ATOH8: variants seen among roughly 807,000 people sequenced by gnomAD.
The protein encoded by ATOH8 is atonal bHLH transcription factor 8, also known as transcription factor ATOH8.
In ATOH8, 9 loss-of-function variants were observed where a neutral mutation model predicts 21.2. The observed-to-expected ratio is 0.42, with a 90% CI of 0.26 to 0.74. The LOEUF (loss-of-function observed/expected upper bound fraction) is 0.74. ATOH8 is among the 30% of genes least tolerant of loss of function. ATOH8 has a pLI of 0.24. For missense variants in ATOH8, 524 were observed against 470.9 expected (o/e 1.11, Z -1.04); for synonymous variants, 253 against 224.0 (o/e 1.13, Z -1.16).
At chr2:85,774,350 C>T (rs986310881) in intron 2 of ATOH8, 17 of 985,432 alleles carry the variant, frequency 1.7e-5, no homozygotes, top group South Asian at 1.4e-4. Flanking sequence ...TGGCACAGTG[C>T]GAGGCCTCAG....
At chr2:85,756,001 A>C (rs1433123455) in intron 1 of ATOH8, among the ~76,000 whole-genome samples, 3 of 149,416 alleles carry the variant, frequency 2.0e-5, no homozygotes, top group Non-Finnish European at 4.4e-5. Context: ...AAAACATTTC[A>C]GAAACCATGA....
At chr2:85,769,007 A>G (rs1007548078) in intron 2 of ATOH8, among the ~76,000 whole-genome samples, 5 of 152,112 alleles carry the variant, frequency 3.3e-5, no homozygotes, top group Non-Finnish European at 7.4e-5. Flanking sequence ...CCACTTTTCC[A>G]CAGCTCCTGT....
At chr2:85,778,878 G>A (rs1311715992) in intron 2 of ATOH8, among the ~76,000 whole-genome samples, 1 of 152,092 alleles carries the variant, frequency 6.6e-6, no homozygotes, top group African/African-American at 2.4e-5. Context: ...CCACAGGGCA[G>A]GTGAAGAGCA....
At position 85,754,378 on chromosome 2, in the gene ATOH8, G is replaced by T. The variant is rs775970009; in HGVS notation, c.189G>T (p.Arg63Ser). ...RAVATNGLRD[R>S]THRLQPVPVP... ...TAGCCACCAACGGGCTGCGGGACAG[G>T]ACCCATCGGCTGCAGCCGGTCCCGG... Residue 63 changes from arginine to serine, a missense_variant, in exon 1 of 3, where the codon AGG becomes AGT. By Grantham distance (110) the Arg-to-Ser change is moderately radical (BLOSUM62 -1). Transcript: ENST00000306279. 2 of 1,591,688 alleles carry T rather than the reference G, an allele frequency of 1.3e-6. No individual in the cohort carries two copies. Among genetic ancestry groups the T allele is most frequent in the African/African-American group, 2.8e-5 (2 of 71,636 alleles).
intron 2 of ATOH8, chr2:85,780,909 C>T (rs1324778629): frequency 2.0e-6 from 2 of 986,244 alleles, no homozygotes; most frequent in Non-Finnish European, 2.4e-6. Flanking sequence ...ACCCATGGCA[C>T]CCAGGCCAGG....
At chr2:85,769,089 C>T (rs780481255) in intron 2 of ATOH8, among the ~76,000 whole-genome samples, 1 of 152,218 alleles carries the variant, frequency 6.6e-6, no homozygotes, top group Non-Finnish European at 1.5e-5. Context: ...GGAGGCAGAA[C>T]TGTTCTTCCA....
rs558226291 is a variant in ATOH8, at chr2:85,785,582, T to C, written c.961-1303T>C. Among the ~76,000 whole-genome samples the C allele has an allele frequency of 1.1e-4, 16 of 152,250 alleles. No homozygotes were observed. The highest frequency in any genetic ancestry group is 3.9e-4 in the African/African-American group (16 of 41,554). ...CACGGGGCTCACCAGGGCCTGTGGT[T>C]AGCAGGCCCTCCACGTCGTGGTTTG... On this transcript the variant is annotated intron_variant, in intron 2 of 2. Transcript: ENST00000306279. The surrounding 1 kb of genome is among the most constrained non-coding windows in gnomAD (Gnocchi z 4.1).
At chr2:85,783,838 A>G (rs1573539303) in intron 2 of ATOH8, among the ~76,000 whole-genome samples, 1 of 148,542 alleles carries the variant, frequency 6.7e-6, no homozygotes, top group African/African-American at 2.6e-5. Context: ...GCAATTATGC[A>G]CCCCCACATG....
At chr2:85,784,611 G>A (rs1487783679) in intron 2 of ATOH8, among the ~76,000 whole-genome samples, 2 of 152,208 alleles carry the variant, frequency 1.3e-5, no homozygotes, top group South Asian at 2.1e-4. Flanking sequence ...AGGACTTTTC[G>A]GAGCCTTTGA....
Position 85,754,539 on chromosome 2 carries a change from TG to T in ATOH8, c.354del (p.Pro119GlnfsTer80). On this transcript the variant is annotated frameshift_variant, in exon 1 of 3. Transcript: ENST00000306279. LOFTEE classifies it high-confidence loss of function. ...ARKRCFALGA[V>X]GPGLPTPPPP... is the part of the protein sequence containing the mutation. ...AAACGCTGCTTCGCCCTAGGCGCAG[TG>T]GGGCCAGGACTCCCCACGCCGCCGC... is the stretch of plus-strand genomic sequence containing the variant. 1 of 1,430,148 alleles carries T rather than the reference TG, an allele frequency of 7.0e-7. No homozygotes were observed. Among genetic ancestry groups the T allele is most frequent in the Non-Finnish European group, 9.1e-7 (1 of 1,103,550 alleles). 88.6% of individuals were successfully genotyped at this position (1,430,148 alleles called of 1,614,324 possible). A position where few individuals can be genotyped will look rare whatever the true frequency, so the allele number is the denominator to read the frequency against.
At chr2:85,783,999 A>G (rs1011592013) in intron 2 of ATOH8, among the ~76,000 whole-genome samples, 2 of 152,154 alleles carry the variant, frequency 1.3e-5, no homozygotes, top group African/African-American at 4.8e-5. Context: ...GGGGATTGGC[A>G]TGCTGGGAGA....
chr2:85,778,365 T>C (rs7590430), intron 2 of ATOH8, among the ~76,000 whole-genome samples: 33,727 of 151,986 alleles, frequency 0.22, 3,939 homozygotes, highest in African/African-American at 0.26. Flanking sequence ...GAGATGTCCC[T>C]ACCCCCACCT....
intron 2 of ATOH8, among the ~76,000 whole-genome samples, chr2:85,768,915 G>T (rs1464421164): frequency 6.6e-6 from 1 of 152,154 alleles, no homozygotes; most frequent in Non-Finnish European, 1.5e-5. Flanking sequence ...AGACGGGCGG[G>T]AGGCCTGGAA....
In ATOH8 at chr2:85,754,389, T is replaced by A; in HGVS notation, c.200T>A (p.Leu67Gln). Reference sequence around the variant, plus strand: ...GGGCTGCGGGACAGGACCCATCGGCTGCAGCCGGTCCCGGTACCGGTGCCG... The same window carrying A: ...GGGCTGCGGGACAGGACCCATCGGCAGCAGCCGGTCCCGGTACCGGTGCCG... ...TNGLRDRTHR[L>Q]QPVPVPVPVP... Residue 67 changes from leucine (L) to glutamine (Q), a missense_variant, in exon 1 of 3, where the codon CTG becomes CAG. Physicochemically the swap from Leu to Gln is moderately radical, Grantham distance 113 (BLOSUM62 -2). Coordinates refer to ENST00000306279, the MANE Select transcript of ATOH8 (RefSeq NM_032827.7). 3 of 1,583,648 alleles carry A rather than the reference T, an allele frequency of 1.9e-6. No homozygotes were observed. Among genetic ancestry groups the A allele is most frequent in the Non-Finnish European group, 2.6e-6 (3 of 1,168,112 alleles).
Position 85,789,340 on chromosome 2 carries a change from T to C in ATOH8, c.*2450T>C, listed in dbSNP as rs55882144. 0.097 allele frequency among the ~76,000 whole-genome samples: 14,717 copies of C among 152,190 alleles called. 775 individuals carry two copies. The highest frequency in any genetic ancestry group is 0.24 in the South Asian group (1,133 of 4,820). The stretch of plus-strand genomic sequence containing the variant: ...TGTGTCATGCATGGCATCACGGAGC[T>C]CTGGGTTCTGTACGGAGGGTGGGAC... On this transcript the variant is annotated 3_prime_UTR_variant, in exon 3 of 3. Coordinates refer to ENST00000306279, the MANE Select transcript of ATOH8 (RefSeq NM_032827.7).
intron 2 of ATOH8, among the ~76,000 whole-genome samples, chr2:85,768,558 TC>T (rs113884887): frequency 0.04 from 6,096 of 152,252 alleles, 409 homozygotes; most frequent in African/African-American, 0.14. Flanking sequence ...AGGGACTGCT[TC>T]CCTCAGAGCT....
At chr2:85,779,357 G>A (rs531810530) in intron 2 of ATOH8, among the ~76,000 whole-genome samples, 1 of 152,390 alleles carries the variant, frequency 6.6e-6, no homozygotes, top group Non-Finnish European at 1.5e-5. Context: ...AAACAAAGAA[G>A]AGGCCAAGGA....
chr2:85,767,185 A>T lies in ATOH8; in HGVS notation c.960+3003A>T, dbSNP rs147552520. 6.9e-3 allele frequency among the ~76,000 whole-genome samples: 1,055 copies of T among 152,164 alleles called. 16 individuals carry two copies. Among genetic ancestry groups the T allele is most frequent in the African/African-American group, 0.024 (1,008 of 41,522 alleles). On this transcript the variant is annotated intron_variant, in intron 2 of 2. Transcript: ENST00000306279. Reference sequence around the variant, plus strand: ...GACTCCTGAGGCCCCACCTCCATTTACAGAGATTCTGTTTGGGGAATCAAC... The same window carrying T: ...GACTCCTGAGGCCCCACCTCCATTTTCAGAGATTCTGTTTGGGGAATCAAC...
chr2:85,775,351 C>A, intron 2 of ATOH8: 1 of 955,506 alleles, frequency 1.0e-6, no homozygotes, highest in South Asian at 4.8e-5. Context: ...ACATTCCCTT[C>A]TAGGGAAGGA....
Sources: allele counts gnomAD v4.1 joint callset (sites outside exome capture counted in the v4.1 genomes callset), GRCh38; gene constraint gnomAD v4.1.1; non-coding constraint Gnocchi (gnomAD v3.1); transcripts MANE v1.5; gene names NCBI Gene and HGNC (gene_info 2026-07-23, HGNC 2026-07-21).